RAB29: variants seen among roughly 807,000 people sequenced by gnomAD.
The protein encoded by RAB29 is ras-related protein Rab-29.
Under a neutral mutation model 25.5 loss-of-function variants are expected in RAB29, and 13 were observed. The observed-to-expected ratio is 0.51, with a 90% CI of 0.33 to 0.81. The LOEUF (loss-of-function observed/expected upper bound fraction) is 0.81, where lower values mean the gene tolerates loss of function less well. RAB29 is among the 30% of genes least tolerant of loss of function. The pLI is 0.02. For missense variants in RAB29, 201 were observed against 254.9 expected (o/e 0.79, Z 1.44); for synonymous variants, 88 against 95.0 (o/e 0.93, Z 0.43).
At chr1:205,771,694 C>T (rs202142219) in intron 3 of RAB29, 41 bp from the exon 4 acceptor site, 103 of 1,569,624 alleles carry the variant, frequency 6.6e-5, no homozygotes, top group East Asian at 1.6e-4. Context: ...ACCCAAGAGC[C>T]GGCCTCTCCC....
chr1:205,770,268 T>G lies in RAB29; in HGVS notation c.*74A>C, dbSNP rs823139. The G allele has an allele frequency of 0.85, 1,008,129 of 1,189,238 alleles. 431,930 individuals carry two copies. The highest frequency in any genetic ancestry group is 0.88 in the Non-Finnish European group (704,764 of 799,810). The allele number at this position is 1,189,238 out of a possible 1,614,324, so 73.7% of individuals were successfully genotyped here. A position where few individuals can be genotyped will look rare whatever the true frequency, so the allele number is the denominator to read the frequency against. ...ACAATTCAAATGTACTTAATAAAATTGTCAGGTGGGCAACCAAAGGGAAGA... is the reference window on the plus strand; with the variant it reads ...ACAATTCAAATGTACTTAATAAAATGGTCAGGTGGGCAACCAAAGGGAAGA... On this transcript the variant is annotated 3_prime_UTR_variant, in exon 6 of 6. Coordinates refer to ENST00000367139, the MANE Select transcript of RAB29 (RefSeq NM_003929.3).
intron 5 of RAB29, 61 bp downstream of exon 5, chr1:205,770,672 G>T: frequency 6.2e-7 from 1 of 1,607,106 alleles, no homozygotes; most frequent in Non-Finnish European, 8.5e-7. Flanking sequence ...AGAAAAGAGG[G>T]TCCACAGGGC....
At chr1:205,774,009 C>T (rs1157640238) in intron 2 of RAB29, among the ~76,000 whole-genome samples, 5 of 152,018 alleles carry the variant, frequency 3.3e-5, no homozygotes, top group Admixed American at 6.6e-5. Flanking sequence ...AGCTAAATAC[C>T]TTCTAATTAA....
intron 3 of RAB29, 66 bp from the exon 4 acceptor site, chr1:205,771,719 G>C: frequency 6.7e-7 from 1 of 1,487,658 alleles, no homozygotes; most frequent in Non-Finnish European, 9.4e-7. Context: ...CCTTGTAGAA[G>C]AGGGCAGTAA....
rs990529029 is a variant in RAB29 at position 205,770,718 on chromosome 1, G to A, written c.500+15C>T. 1 of 1,613,956 alleles carries A rather than the reference G, an allele frequency of 6.2e-7. No individual in the cohort carries two copies. The highest frequency in any genetic ancestry group is 8.5e-7 in the Non-Finnish European group (1 of 1,179,980). On this transcript the variant is annotated intron_variant, in intron 5 of 5. Transcript: ENST00000367139. ...GATGGATACATCTGCATGCCTATCAGCATGAGCTACTTACCTCATAGCCTC... is the reference window on the plus strand; with the variant it reads ...GATGGATACATCTGCATGCCTATCAACATGAGCTACTTACCTCATAGCCTC...
intron 3 of RAB29, among the ~76,000 whole-genome samples, 162 bp downstream of exon 3, chr1:205,772,333 CT>C (rs1486070530): frequency 2.0e-5 from 3 of 152,168 alleles, no homozygotes; most frequent in African/African-American, 7.2e-5. Flanking sequence ...GGCAAAACAT[CT>C]ACAAAAGCTC....
chr1:205,770,379 T>C lies in RAB29; in HGVS notation c.575A>G (p.Asn192Ser), dbSNP rs751023750. The C allele has an allele frequency of 9.9e-6, 16 of 1,614,008 alleles. No individual in the cohort carries two copies. The highest frequency in any genetic ancestry group is 1.3e-5 in the African/African-American group (1 of 74,918). The change falls in exon 6 of 6, where the codon AAT becomes AGT. Residue 192 changes from asparagine to serine, a missense_variant. By Grantham distance (46) the Asn-to-Ser change is conservative (BLOSUM62 1). Coordinates refer to ENST00000367139, the MANE Select transcript of RAB29 (RefSeq NM_003929.3). ...MSLSTQGDYI[N>S]LQTKSSSWSC... ...CCAGCTGGAGGACTTGGTTTGTAGA[T>C]TGATGTAGTCCCCTTGGGTGGACAA...
chr1:205,774,399 CAACA>C (rs1409622309), intron 2 of RAB29, among the ~76,000 whole-genome samples: 1 of 152,202 alleles, frequency 6.6e-6, no homozygotes, highest in Non-Finnish European at 1.5e-5. Flanking sequence ...GTTCCTCCCT[CAACA>C]GAGGGGCAGG....
Position 205,772,526 on chromosome 1 carries a change from T to G in RAB29, c.166A>C (p.Ile56Leu), listed in dbSNP as rs770643370. 7.4e-6 allele frequency: 12 copies of G among 1,614,034 alleles called. No homozygotes were observed. The highest frequency in any genetic ancestry group is 1.1e-5 in the South Asian group (1 of 91,076). The change falls in exon 3 of 6, where the codon ATA becomes CTA. Residue 56 changes from isoleucine (I) to leucine (L), a missense_variant. Transcript: ENST00000367139. The part of the protein sequence containing the change: ...LKVLQWSDYE[I>L]VRLQLWDIAG... ...ATATCCCACAGCTGAAGCCGCACTA[T>G]CTCGTAGTCAGACCACTGGAGAACC...
Position 205,775,288 on chromosome 1 carries a change from G to A in RAB29, c.-146C>T, listed in dbSNP as rs192962899. 3.4e-6 allele frequency: 1 copy of A among 291,206 alleles called. No individual in the cohort carries two copies. The highest frequency in any genetic ancestry group is 6.5e-6 in the Non-Finnish European group (1 of 152,748). The allele number at this position is 291,206 out of a possible 1,614,324, so 18.0% of individuals were successfully genotyped here. A position where few individuals can be genotyped will look rare whatever the true frequency, so the allele number is the denominator to read the frequency against. On this transcript the variant is annotated 5_prime_UTR_variant, in exon 1 of 6. Transcript: ENST00000367139. ...CCTCACCCACCGGGACTTCCCCCGA[G>A]CGGCTCCAAGTCAGTGACTGAATCC... is the stretch of plus-strand genomic sequence containing the variant.
In RAB29 at chr1:205,774,775, A is replaced by G. The variant is rs550361310; in HGVS notation, c.124+58T>C. 5.9e-6 allele frequency: 9 copies of G among 1,531,310 alleles called. No homozygotes were observed. The East Asian group carries it at 2.2e-4, about 37-fold the overall frequency. 94.9% of individuals were successfully genotyped at this position (1,531,310 alleles called of 1,614,324 possible). A position where few individuals can be genotyped will look rare whatever the true frequency, so the allele number is the denominator to read the frequency against. ...CCACCCCACTTGGGTCCCCAGCTCG[A>G]GTCCGCGGTCGGGGCCTCCTCCTCC... On this transcript the variant is annotated intron_variant, in intron 2 of 5. Coordinates refer to ENST00000367139, the MANE Select transcript of RAB29 (RefSeq NM_003929.3).
At chr1:205,774,798 T>TACC in intron 2 of RAB29, 35 bp downstream of exon 2, 40 of 658,478 alleles carry the variant, frequency 6.1e-5, no homozygotes, top group Non-Finnish European at 9.2e-5. Flanking sequence ...GGCCTCCTCC[T>TACC]CCCCCTCCCC....
At chr1:205,771,754 C>G in intron 3 of RAB29, 101 bp from the exon 4 acceptor site, 1 of 1,146,408 alleles carries the variant, frequency 8.7e-7, no homozygotes, top group Non-Finnish European at 1.3e-6. Flanking sequence ...TGGGGCCACT[C>G]ACTTTCCCCC....
At chr1:205,774,798 T>TAC in intron 2 of RAB29, 35 bp downstream of exon 2, 115 of 658,448 alleles carry the variant, frequency 1.7e-4, no homozygotes, top group Non-Finnish European at 2.6e-4. Flanking sequence ...GGCCTCCTCC[T>TAC]CCCCCTCCCC....
rs1228868510 is a variant in RAB29, at chr1:205,767,993, C to T, written c.*2349G>A. 1 of 152,182 alleles carries T rather than the reference C, an allele frequency of 6.6e-6. No individual in the cohort carries two copies. The highest frequency in any genetic ancestry group is 1.5e-5 in the Non-Finnish European group (1 of 68,030). 9.4% of individuals were successfully genotyped at this position (152,182 alleles called of 1,614,324 possible). A position where few individuals can be genotyped will look rare whatever the true frequency, so the allele number is the denominator to read the frequency against. ...GCCAATAACCACCATGAATACAAGA[C>T]TTAGTTCTCATTTATTTGTGATTTT... On this transcript the variant is annotated 3_prime_UTR_variant, in exon 6 of 6. Transcript: ENST00000367139.
intron 3 of RAB29, 91 bp from the exon 4 acceptor site, chr1:205,771,744 TGGG>T: frequency 7.9e-7 from 1 of 1,261,088 alleles, no homozygotes; most frequent in Non-Finnish European, 1.2e-6. Context: ...ATGTGTCAGA[TGGG>T]GCCACTCACT....
At chr1:205,772,411 G>A in intron 3 of RAB29, 85 bp downstream of exon 3, 2 of 1,365,326 alleles carry the variant, frequency 1.5e-6, no homozygotes, top group Non-Finnish European at 2.1e-6. Flanking sequence ...AACAATTTCT[G>A]GCTTTGCTGC....
Position 205,775,262 on chromosome 1 carries a change from A to G in RAB29, c.-131+11T>C. 3.1e-6 allele frequency: 1 copy of G among 327,094 alleles called. No homozygotes were observed. Among genetic ancestry groups the G allele is most frequent in the South Asian group, 3.4e-5 (1 of 29,408 alleles). The allele number at this position is 327,094 out of a possible 1,614,324, so 20.3% of individuals were successfully genotyped here. The stretch of plus-strand genomic sequence containing the variant: ...GAGAAACTGGACCAGGCGCCGCGGA[A>G]CCTCACCCACCGGGACTTCCCCCGA... On this transcript the variant is annotated intron_variant, in intron 1 of 5. Transcript: ENST00000367139.
rs1655246815 is a variant in RAB29, at chr1:205,775,035, C to T, written c.-79G>A. On this transcript the variant is annotated 5_prime_UTR_variant, in exon 2 of 6. Coordinates refer to ENST00000367139, the MANE Select transcript of RAB29 (RefSeq NM_003929.3). ...GTCGCTCGTTTTAACCCCTTTGGAT[C>T]CGGACCCTCTTCAAACTGAAGTGAG... is the stretch of plus-strand genomic sequence containing the variant. The T allele has an allele frequency of 1.3e-6, 2 of 1,558,474 alleles. No individual in the cohort carries two copies. The highest frequency in any genetic ancestry group is 1.4e-5 in the African/African-American group (1 of 73,934).
Sources: gnomAD v4.1 joint callset for allele counts (sites outside exome capture counted in the v4.1 genomes callset) on GRCh38, gnomAD v4.1.1 for gene constraint, MANE v1.5 for transcripts, NCBI Gene and HGNC (gene_info 2026-07-23, HGNC 2026-07-21) for gene names.